The following HAUS8 variants were observed in gnomAD, a reference collection of about 807,000 sequenced individuals.
HAUS8 encodes HAUS augmin-like complex subunit 8.
In HAUS8, 38 loss-of-function variants were observed where a neutral mutation model predicts 42.9. That is an observed-to-expected ratio of 0.89 (90% CI 0.68 to 1.16). The LOEUF is 1.16. Ranked by LOEUF, HAUS8 falls within the 50% of genes most tolerant of loss-of-function variation. The pLI is 0.00. For synonymous variants in HAUS8, 199 were observed against 205.8 expected, an observed-to-expected ratio of 0.97 and a Z score of 0.28; for missense variants, 494 against 511.6, an observed-to-expected ratio of 0.97 and a Z score of 0.33.
Position 17,069,094 on chromosome 19 carries a change from GA to G in HAUS8, c.92-9del. The G allele has an allele frequency of 6.2e-7, 1 of 1,611,914 alleles. No individual in the cohort carries two copies. Among genetic ancestry groups the G allele is most frequent in the Non-Finnish European group, 8.5e-7 (1 of 1,178,686 alleles). Reference sequence around the variant, plus strand: ...ACTCAATCACTCTTCCACCTGTGGGGACACACTGTTGGTGCACAACAAAACT... The same window carrying G: ...ACTCAATCACTCTTCCACCTGTGGGGCACACTGTTGGTGCACAACAAAACT... On this transcript the variant is annotated splice_polypyrimidine_tract_variant and intron_variant, in intron 2 of 10. Transcript: ENST00000253669.
At chr19:17,066,968 G>T (rs1231164016) in intron 3 of HAUS8, among the ~76,000 whole-genome samples, 3 of 152,184 alleles carry the variant, frequency 2.0e-5, no homozygotes, top group Non-Finnish European at 4.4e-5. Context: ...ATTTTGGGAG[G>T]CTGAGGCAGG....
chr19:17,075,497 A>G, upstream of HAUS8: 2 of 1,550,400 alleles, frequency 1.3e-6, no homozygotes, highest in Non-Finnish European at 1.8e-6. Flanking sequence ...TGCGGGTCGG[A>G]CCATTTGTGG....
rs756896226 is a variant in HAUS8 at position 17,055,867 on chromosome 19, G to C, written c.781C>G (p.Leu261Val). ...GGGACGCCCCGTTTCCTACCTAAGAGCTGCTGCCCATCTCCCTCCAGGTGG... is the reference window on the plus strand; with the variant it reads ...GGGACGCCCCGTTTCCTACCTAAGACCTGCTGCCCATCTCCCTCCAGGTGG... Reference protein sequence around the residue: ...SIHLEGDGQQLLDALQHELVT... With the variant: ...SIHLEGDGQQVLDALQHELVT... Residue 261 changes from leucine (L) to valine (V), a missense_variant, in exon 9 of 11, where the codon CTC (leucine) becomes GTC (valine). Leu to Val is a conservative substitution (Grantham distance 32). Coordinates refer to ENST00000253669, the MANE Select transcript of HAUS8 (RefSeq NM_033417.2). 9.9e-6 allele frequency: 16 copies of C among 1,613,668 alleles called. No individual in the cohort carries two copies. The South Asian group carries it at 1.6e-4, about 17-fold the overall frequency.
In HAUS8 at chr19:17,059,551, A is replaced by G. The variant is rs1319924050; in HGVS notation, c.420+6T>C. On this transcript the variant is annotated splice_donor_region_variant and intron_variant, in intron 6 of 10. Coordinates refer to ENST00000253669, the MANE Select transcript of HAUS8 (RefSeq NM_033417.2). ...CTGTGGCTGCCCTCTTCTTTCAGACACTTACCGGGCTCTTTTTCCGAGGGG... is the reference window on the plus strand; with the variant it reads ...CTGTGGCTGCCCTCTTCTTTCAGACGCTTACCGGGCTCTTTTTCCGAGGGG... The G allele has an allele frequency of 5.0e-6, 8 of 1,605,732 alleles. No homozygotes were observed. The East Asian group carries it at 1.6e-4, about 31-fold the overall frequency.
Position 17,073,353 on chromosome 19 carries a change from G to A in HAUS8, c.30-18C>T. 1 of 1,613,230 alleles carries A rather than the reference G, an allele frequency of 6.2e-7. No individual in the cohort carries two copies. Among genetic ancestry groups the A allele is most frequent in the South Asian group, 1.1e-5 (1 of 91,068 alleles). ...CAGGCTTCCTGCAAGAGAAGAGAGA[G>A]AGGTCTTGTTCACCTCACTACCCAA... On this transcript the variant is annotated intron_variant, in intron 1 of 10. Transcript: ENST00000253669.
rs769534293 is a variant in HAUS8, at chr19:17,075,397, G to C, written c.26C>G (p.Ala9Gly). Residue 9 changes from alanine to glycine, a missense_variant, in exon 1 of 11, where the codon GCT (alanine) becomes GGT (glycine). Physicochemically the swap from Ala to Gly is moderately conservative, Grantham distance 60 (BLOSUM62 0). Coordinates refer to ENST00000253669, the MANE Select transcript of HAUS8 (RefSeq NM_033417.2). ...ACCTGCGGAAGCCCCAACTCACCCA[G>C]CGCCTCGCCCCGAGGAATCCGCCAT... Reference protein sequence around the residue: MADSSGRGAGKPATGPTNS... With the variant: MADSSGRGGGKPATGPTNS... 1 of 1,613,816 alleles carries C rather than the reference G, an allele frequency of 6.2e-7. No homozygotes were observed. The highest frequency in any genetic ancestry group is 8.5e-7 in the Non-Finnish European group (1 of 1,179,908).
intron 3 of HAUS8, among the ~76,000 whole-genome samples, chr19:17,067,966 C>T (rs1370763519): frequency 1.3e-5 from 2 of 152,186 alleles, no homozygotes; most frequent in Non-Finnish European, 2.9e-5. Context: ...CATGCCATTA[C>T]TTTCAATGGT....
Position 17,069,062 on chromosome 19 carries a change from T to C in HAUS8, c.116A>G (p.Tyr39Cys). 1 of 1,612,766 alleles carries C rather than the reference T, an allele frequency of 6.2e-7. No individual in the cohort carries two copies. Among genetic ancestry groups the C allele is most frequent in the South Asian group, 1.1e-5 (1 of 90,922 alleles). The change falls in exon 3 of 11, where the codon TAT becomes TGT. Residue 39 changes from tyrosine to cysteine, a missense_variant. Tyr to Cys is a radical substitution (Grantham distance 194). Coordinates refer to ENST00000253669, the MANE Select transcript of HAUS8 (RefSeq NM_033417.2). Reference sequence around the variant, plus strand: ...GGTTGTCTTCTTTTCATACTGCAGATACCGGGACTCAATCACTCTTCCACC... The same window carrying C: ...GGTTGTCTTCTTTTCATACTGCAGACACCGGGACTCAATCACTCTTCCACC... ...VQGGRVIESRYLQYEKKTTQK... is the reference protein window; with the variant it reads ...VQGGRVIESRCLQYEKKTTQK...
rs754776452 is a variant in HAUS8 at position 17,059,642 on chromosome 19, A to T, written c.335T>A (p.Ile112Asn). ...TGCTAACTGTGGCGTCTTTTTGACGATGCTTTTGTCTAAGATAAAGCACAG... is the reference window on the plus strand; with the variant it reads ...TGCTAACTGTGGCGTCTTTTTGACGTTGCTTTTGTCTAAGATAAAGCACAG... Reference protein sequence around the residue: ...LDLSAINDKSIVKKTPQLAKT... With the variant: ...LDLSAINDKSNVKKTPQLAKT... The change falls in exon 6 of 11, where the codon ATC becomes AAC. Residue 112 changes from isoleucine to asparagine, a missense_variant. Transcript: ENST00000253669. 24 of 1,612,730 alleles carry T rather than the reference A, an allele frequency of 1.5e-5. No individual in the cohort carries two copies. In the South Asian group the frequency reaches 2.6e-4, roughly 18 times the overall value.
At chr19:17,056,319 A>G (rs1392072293) in intron 8 of HAUS8, among the ~76,000 whole-genome samples, 1 of 151,874 alleles carries the variant, frequency 6.6e-6, no homozygotes, top group African/African-American at 2.4e-5. Context: ...GGCATGGCCC[A>G]CTCCCACCCC....
At position 17,058,872 on chromosome 19, in the gene HAUS8, A is replaced by G; in HGVS notation, c.425T>C (p.Leu142Ser). The change falls in exon 7 of 11, where the codon TTA becomes TCA. Residue 142 changes from leucine to serine, a missense_variant. Transcript: ENST00000253669. ...CTCCATCATTTCCATTGCTTCAGAT[A>G]AATCCTTAAGAAAAGAAAAAGACCC... The part of the protein sequence containing the change: ...FSAPRKKSPD[L>S]SEAMEMMESQ... 1 of 1,611,392 alleles carries G rather than the reference A, an allele frequency of 6.2e-7. No individual in the cohort carries two copies. The highest frequency in any genetic ancestry group is 8.5e-7 in the Non-Finnish European group (1 of 1,179,066).
At chr19:17,066,592 C>T (rs2057388415) in intron 3 of HAUS8, among the ~76,000 whole-genome samples, 1 of 152,154 alleles carries the variant, frequency 6.6e-6, no homozygotes, top group Non-Finnish European at 1.5e-5. Flanking sequence ...GGTTCTGATG[C>T]TATTTCCAGG....
At position 17,050,852 on chromosome 19, in the gene HAUS8, G is replaced by A. The variant is rs187546933; in HGVS notation, c.930-676C>T. On this transcript the variant is annotated intron_variant, in intron 10 of 10. Transcript: ENST00000253669. ...CAGGGTCTATAGTGAGCCGAGGATC[G>A]CGCCACTGGCACTCCAACCTGGGCG... Among the ~76,000 whole-genome samples the A allele has an allele frequency of 6.7e-3, 1,013 of 151,926 alleles. 4 individuals are homozygous for A. The highest frequency in any genetic ancestry group is 0.011 in the Non-Finnish European group (749 of 67,972).
intron 2 of HAUS8, among the ~76,000 whole-genome samples, chr19:17,071,555 A>G (rs2057424050): frequency 1.3e-5 from 2 of 152,204 alleles, no homozygotes; most frequent in Non-Finnish European, 2.9e-5. Context: ...CCCAGCTCCC[A>G]GCAGAAAGAC....
intron 6 of HAUS8, among the ~76,000 whole-genome samples, chr19:17,059,106 G>A (rs1302625184): frequency 6.6e-6 from 1 of 152,202 alleles, no homozygotes; most frequent in Non-Finnish European, 1.5e-5. Context: ...CACCTGGCAG[G>A]TGGAGAGACA....
chr19:17,052,823 A>T lies in HAUS8; in HGVS notation c.929+2T>A. ...TCTTTCTTAAAGCATTTTCCGAGGT[A>T]CCTTCGGAGCTCAAGGTCCTTTTTC... On this transcript the variant is annotated splice_donor_variant, in intron 10 of 10. Coordinates refer to ENST00000253669, the MANE Select transcript of HAUS8 (RefSeq NM_033417.2). LOFTEE classifies it high-confidence loss of function. 2 of 1,614,232 alleles carry T rather than the reference A, an allele frequency of 1.2e-6. No individual in the cohort carries two copies. The highest frequency in any genetic ancestry group is 1.7e-6 in the Non-Finnish European group (2 of 1,180,042).
chr19:17,068,083 GTTTT>G (rs1160219241), intron 3 of HAUS8, among the ~76,000 whole-genome samples: 1 of 125,188 alleles, frequency 8.0e-6, no homozygotes, highest in South Asian at 2.8e-4. Flanking sequence ...CTAAAAACCT[GTTTT>G]TTTATTTTAT....
At chr19:17,062,567 T>A in intron 4 of HAUS8, 131 bp downstream of exon 4, 1 of 699,884 alleles carries the variant, frequency 1.4e-6, no homozygotes, top group Non-Finnish European at 2.6e-6. Flanking sequence ...TCTGTCCTTA[T>A]GCTCCAACTC....
At position 17,059,579 on chromosome 19, in the gene HAUS8, G is replaced by A; in HGVS notation, c.398C>T (p.Ser133Phe). 1 of 1,613,688 alleles carries A rather than the reference G, an allele frequency of 6.2e-7. No homozygotes were observed. Among genetic ancestry groups the A allele is most frequent in the South Asian group, 1.1e-5 (1 of 91,018 alleles). The change falls in exon 6 of 11, where the codon TCT becomes TTT. Residue 133 changes from serine (S) to phenylalanine (F), a missense_variant. By Grantham distance (155) the Ser-to-Phe change is radical. Coordinates refer to ENST00000253669, the MANE Select transcript of HAUS8 (RefSeq NM_033417.2). Reference sequence around the variant, plus strand: ...TACCGGGCTCTTTTTCCGAGGGGCAGAAAATGATGTTGACTCAGGTTTCTT... The same window carrying A: ...TACCGGGCTCTTTTTCCGAGGGGCAAAAAATGATGTTGACTCAGGTTTCTT... Reference protein sequence around the residue: ...ISKKPESTSFSAPRKKSPDLS... With the variant: ...ISKKPESTSFFAPRKKSPDLS...
Sources: allele counts gnomAD v4.1 joint callset (sites outside exome capture counted in the v4.1 genomes callset), GRCh38; gene constraint gnomAD v4.1.1; transcripts MANE v1.5; gene names NCBI Gene and HGNC (gene_info 2026-07-23, HGNC 2026-07-21).